CACNA2D3: variants seen among roughly 807,000 people sequenced by gnomAD.
CACNA2D3 encodes the protein calcium voltage-gated channel auxiliary subunit alpha2delta 3, also known as voltage-dependent calcium channel subunit alpha-2/delta-3.
CACNA2D3 carries 60 observed loss-of-function variants against 160.6 expected under a neutral mutation model. That is an observed-to-expected ratio of 0.37 (90% CI 0.30 to 0.46). The LOEUF (loss-of-function observed/expected upper bound fraction) is 0.46. Among genes scored for constraint, CACNA2D3 ranks in the 20% least tolerant of loss-of-function variants. The pLI is 1.00. For missense variants in CACNA2D3, 1,205 were observed against 1,365.0 expected (o/e 0.88, Z 1.85); for synonymous variants, 558 against 492.9 (o/e 1.13, Z -1.75).
chr3:54,822,735 T>TTTCTTTCC (rs1703636568), intron 14 of CACNA2D3, among the ~76,000 whole-genome samples: 1 of 32,722 alleles, frequency 3.1e-5, no homozygotes, highest in South Asian at 1.1e-3. Context: ...TTTTATTTTC[T>TTTCTTTCC]TTCTTTCTTT....
At chr3:54,977,809 G>T (rs2107088584) in intron 29 of CACNA2D3, among the ~76,000 whole-genome samples, 1 of 152,308 alleles carries the variant, frequency 6.6e-6, no homozygotes, top group Non-Finnish European at 1.5e-5. Context: ...AGAATTCATG[G>T]AAAGTCCACA....
chr3:54,211,328 T>G (rs959664648), intron 2 of CACNA2D3, among the ~76,000 whole-genome samples: 4 of 152,226 alleles, frequency 2.6e-5, no homozygotes, highest in Admixed American at 2.6e-4. Flanking sequence ...TGTGAATGGT[T>G]GTTATAATTT....
chr3:54,548,898 T>G (rs1439055570), intron 5 of CACNA2D3, among the ~76,000 whole-genome samples: 1 of 152,272 alleles, frequency 6.6e-6, no homozygotes, highest in Non-Finnish European at 1.5e-5. Flanking sequence ...TCCTCCTAAT[T>G]CATCTGGTGT....
intron 2 of CACNA2D3, among the ~76,000 whole-genome samples, chr3:54,293,563 T>TTATATA (rs35283142): frequency 0.17 from 25,794 of 149,494 alleles, 2,297 homozygotes; most frequent in African/African-American, 0.21. Context: ...TAATATTCTA[T>TTATATA]TATATATATA....
intron 27 of CACNA2D3, among the ~76,000 whole-genome samples, chr3:54,955,731 G>A (rs1701872599): frequency 6.6e-6 from 1 of 152,100 alleles, no homozygotes; most frequent in Non-Finnish European, 1.5e-5. Context: ...TCTACCGAGG[G>A]GGCTTTTTTG....
At chr3:54,170,893 T>C (rs1323525828) in intron 2 of CACNA2D3, among the ~76,000 whole-genome samples, 1 of 151,904 alleles carries the variant, frequency 6.6e-6, no homozygotes, top group Non-Finnish European at 1.5e-5. Context: ...TCAGATGTTT[T>C]AAACTAAAAA....
At chr3:54,339,847 A>G (rs1704475143) in intron 3 of CACNA2D3, among the ~76,000 whole-genome samples, 1 of 152,232 alleles carries the variant, frequency 6.6e-6, no homozygotes, top group Non-Finnish European at 1.5e-5. Context: ...CCTGTTAATT[A>G]CAGGGTGGAA....
chr3:54,844,455 G>C (rs1364446268), intron 16 of CACNA2D3, among the ~76,000 whole-genome samples: 1 of 152,178 alleles, frequency 6.6e-6, no homozygotes, highest in Non-Finnish European at 1.5e-5. Context: ...CTCAGCGTCT[G>C]CATTCTGGGG....
chr3:55,013,018 C>T lies in CACNA2D3; in HGVS notation c.2875+3575C>T, dbSNP rs1575435510. Among the ~76,000 whole-genome samples, 3 of 152,096 alleles carry T rather than the reference C, an allele frequency of 2.0e-5. No individual in the cohort carries two copies. In the South Asian group the frequency reaches 6.2e-4, roughly 32 times the overall value. ...TCTTAAGGAGCTTTGTAGAAAGGAC[C>T]CCAAATAGATCATTTCAGCATGTCC... is the stretch of plus-strand genomic sequence containing the variant. On this transcript the variant is annotated intron_variant, in intron 34 of 37. Transcript: ENST00000474759.
intron 2 of CACNA2D3, among the ~76,000 whole-genome samples, chr3:54,232,890 T>C (rs1044833855): frequency 3.9e-5 from 6 of 152,340 alleles, no homozygotes; most frequent in African/African-American, 1.2e-4. Flanking sequence ...TGATCTCCAC[T>C]GGGTGCTGGC....
intron 13 of CACNA2D3, among the ~76,000 whole-genome samples, chr3:54,796,336 C>T (rs950349738): frequency 6.6e-6 from 1 of 152,144 alleles, no homozygotes; most frequent in Non-Finnish European, 1.5e-5. Context: ...TTTCTGTGAG[C>T]ATGCATAGAT....
chr3:54,523,358 G>A (rs1405107078), intron 5 of CACNA2D3, among the ~76,000 whole-genome samples: 1 of 152,074 alleles, frequency 6.6e-6, no homozygotes, highest in African/African-American at 2.4e-5. Context: ...TTGATTTCCA[G>A]ATGTTAAAAC....
rs560136164 is a variant in CACNA2D3 at position 54,815,350 on chromosome 3, A to G, written c.1381-1503A>G. 5.9e-5 allele frequency among the ~76,000 whole-genome samples: 9 copies of G among 152,320 alleles called. No homozygotes were observed. In the East Asian group the frequency reaches 1.7e-3, roughly 29 times the overall value. The stretch of plus-strand genomic sequence containing the variant: ...ATTTTGGAGACATCTCTGAGATCCA[A>G]AACATCTTGTTTGTTCGGTTCTACT... On this transcript the variant is annotated intron_variant, in intron 13 of 37. Coordinates refer to ENST00000474759, the MANE Select transcript of CACNA2D3 (RefSeq NM_018398.3).
At chr3:54,601,742 A>C (rs1417042722) in intron 9 of CACNA2D3, among the ~76,000 whole-genome samples, 1 of 151,990 alleles carries the variant, frequency 6.6e-6, no homozygotes, top group Non-Finnish European at 1.5e-5. Context: ...ATGTCATTAC[A>C]TGAAACTTCA....
At chr3:54,465,922 T>C (rs535704771) in intron 4 of CACNA2D3, among the ~76,000 whole-genome samples, 2 of 152,160 alleles carry the variant, frequency 1.3e-5, no homozygotes, top group Admixed American at 6.5e-5. Context: ...TCCTAGTTCA[T>C]TGAGGCTGTT....
chr3:54,953,268 A>G (rs1304786582), intron 27 of CACNA2D3, among the ~76,000 whole-genome samples: 2 of 152,222 alleles, frequency 1.3e-5, no homozygotes, highest in African/African-American at 4.8e-5. Flanking sequence ...CTCTGAAGGC[A>G]TGCTGCATGT....
chr3:54,696,686 C>T (rs1181788122), intron 11 of CACNA2D3, among the ~76,000 whole-genome samples: 1 of 152,118 alleles, frequency 6.6e-6, no homozygotes, highest in East Asian at 1.9e-4. Context: ...CTTAGCAAAC[C>T]CAGTTGTCCT....
intron 4 of CACNA2D3, among the ~76,000 whole-genome samples, chr3:54,389,782 G>C (rs761439770): frequency 6.6e-6 from 1 of 152,172 alleles, no homozygotes; most frequent in Non-Finnish European, 1.5e-5. Flanking sequence ...AAGAAATGTT[G>C]AGGATTTGCT....
intron 13 of CACNA2D3, among the ~76,000 whole-genome samples, chr3:54,803,871 A>G (rs1302829692): frequency 3.9e-5 from 6 of 152,230 alleles, no homozygotes. Context: ...CAGAAACTCC[A>G]CAAGCCAGAA....
Sources: allele counts gnomAD v4.1 joint callset (sites outside exome capture counted in the v4.1 genomes callset), GRCh38; gene constraint gnomAD v4.1.1; transcripts MANE v1.5; gene names NCBI Gene and HGNC (gene_info 2026-07-23, HGNC 2026-07-21).